The following DNAH14 variants were observed in gnomAD, a reference collection of about 807,000 sequenced individuals.
DNAH14 encodes dynein axonemal heavy chain 14.
A neutral mutation model predicts 520.9 loss-of-function variants in DNAH14; 478 were observed. That is an observed-to-expected ratio of 0.92 (90% CI 0.85 to 0.99). DNAH14 has a LOEUF of 0.99. Ranked by LOEUF, DNAH14 falls within the 50% of genes least tolerant of loss-of-function variation. The pLI is 0.00. For missense variants in DNAH14, 4,831 were observed against 5,234.5 expected (o/e 0.92, Z 2.38); for synonymous variants, 1,581 against 1,757.2 (o/e 0.90, Z 2.51).
intron 27 of DNAH14, among the ~76,000 whole-genome samples, chr1:225,131,774 G>C (rs2078450251): frequency 6.6e-6 from 1 of 152,162 alleles, no homozygotes; most frequent in African/African-American, 2.4e-5. Flanking sequence ...CTAGGAAGTT[G>C]TGATGTCAAT....
chr1:224,952,046 T>C (rs1256014832), intron 1 of DNAH14, among the ~76,000 whole-genome samples: 1 of 152,218 alleles, frequency 6.6e-6, no homozygotes, highest in East Asian at 1.9e-4. Context: ...TTTTCTATTC[T>C]CCATTGATTC....
chr1:224,967,430 G>A lies in DNAH14; in HGVS notation c.499-1G>A, dbSNP rs748695334. On this transcript the variant is annotated splice_acceptor_variant, in intron 5 of 85. Transcript: ENST00000682510. LOFTEE classifies it high-confidence loss of function. The stretch of plus-strand genomic sequence containing the variant: ...GTTTATTATTTTTTTTTTAATCTCA[G>A]AAACCTTTGGAAGATGATGGAGAAT... The A allele has an allele frequency of 4.0e-6, 6 of 1,516,286 alleles. No individual in the cohort carries two copies. Among genetic ancestry groups the A allele is most frequent in the Non-Finnish European group, 2.6e-6 (3 of 1,140,350 alleles). The allele number at this position is 1,516,286 out of a possible 1,614,324, so 93.9% of individuals were successfully genotyped here.
At chr1:225,098,797 A>C (rs774283267) in intron 22 of DNAH14, among the ~76,000 whole-genome samples, 1 of 152,220 alleles carries the variant, frequency 6.6e-6, no homozygotes, top group Non-Finnish European at 1.5e-5. Context: ...AATTCTAGGC[A>C]AGAGAGTTCA....
intron 17 of DNAH14, among the ~76,000 whole-genome samples, chr1:225,056,968 G>T (rs1420532458): frequency 6.6e-6 from 1 of 152,174 alleles, no homozygotes; most frequent in Admixed American, 6.5e-5. Flanking sequence ...GTAGCGTGAT[G>T]TGTCCAGCTT....
rs370168340 is a variant in DNAH14 at position 224,964,481 on chromosome 1, C to A, written c.370C>A (p.Pro124Thr). ...ARPVSYDRTE[P>T]KDDDVIRNII... is the part of the protein sequence containing the mutation. ...ATTTTTAAATTGTTCTATACCAGAA[C>A]CAAAAGATGATGATGTGATAAGAAA... Residue 124 changes from proline to threonine, a missense_variant and splice_region_variant, in exon 5 of 86, where the codon CCA becomes ACA. Pro to Thr is a conservative substitution (Grantham distance 38). Transcript: ENST00000682510. The A allele has an allele frequency of 1.1e-5, 18 of 1,606,696 alleles. No individual in the cohort carries two copies. The African/African-American group carries it at 2.3e-4, about 20-fold the overall frequency.
intron 27 of DNAH14, among the ~76,000 whole-genome samples, chr1:225,126,031 A>G (rs569112895): frequency 9.2e-5 from 14 of 152,302 alleles, no homozygotes; most frequent in African/African-American, 2.2e-4. Context: ...ATAAGACACA[A>G]ACAGCATTTA....
At chr1:225,017,337 A>G (rs942875581) in intron 10 of DNAH14, among the ~76,000 whole-genome samples, 3 of 152,244 alleles carry the variant, frequency 2.0e-5, no homozygotes, top group Non-Finnish European at 4.4e-5. Context: ...AAAGTTGTTG[A>G]TAAAGTTAAA....
rs755979440 is a variant in DNAH14, at chr1:225,117,729, C to G, written c.3913C>G (p.Leu1305Val). The G allele has an allele frequency of 1.7e-5, 27 of 1,550,126 alleles. No homozygotes were observed. In the African/African-American group the frequency reaches 2.7e-4, roughly 16 times the overall value. ...ATTAATTTTCCCAAGATTTTACTTT[C>G]TTAGCAATGCCGAGCTTCTTGATAT... ...KRLIFPRFYF[L>V]SNAELLDILA... The change falls in exon 24 of 86, where the codon CTT (leucine) becomes GTT (valine). Residue 1305 changes from leucine to valine, a missense_variant. Physicochemically the swap from Leu to Val is conservative, Grantham distance 32. Coordinates refer to ENST00000682510, the MANE Select transcript of DNAH14 (RefSeq NM_001367479.1).
At chr1:225,186,617 C>T (rs756237068) in intron 37 of DNAH14, among the ~76,000 whole-genome samples, 2 of 151,480 alleles carry the variant, frequency 1.3e-5, no homozygotes, top group Non-Finnish European at 3.0e-5. Flanking sequence ...AAACGTATTA[C>T]TGTATTAGCT....
At chr1:225,053,956 C>T (rs74383728) in intron 17 of DNAH14, among the ~76,000 whole-genome samples, 6,343 of 152,222 alleles carry the variant, frequency 0.042, 217 homozygotes, top group Non-Finnish European at 0.061. Flanking sequence ...AGAGAACCTA[C>T]AATAGAAGCC....
chr1:225,015,639 A>G (rs564202064), intron 10 of DNAH14, among the ~76,000 whole-genome samples: 1 of 152,370 alleles, frequency 6.6e-6, no homozygotes, highest in Admixed American at 6.5e-5. Flanking sequence ...AAGGGTAAAC[A>G]ACGTTTACCC....
At chr1:225,169,473 C>T (rs1402716526) in intron 36 of DNAH14, among the ~76,000 whole-genome samples, 1 of 152,114 alleles carries the variant, frequency 6.6e-6, no homozygotes, top group Non-Finnish European at 1.5e-5. Flanking sequence ...AGCTGAAAAC[C>T]ACGGCACGAG....
intron 15 of DNAH14, among the ~76,000 whole-genome samples, chr1:225,046,266 A>T (rs1249939309): frequency 6.6e-6 from 1 of 152,090 alleles, no homozygotes; most frequent in African/African-American, 2.4e-5. Context: ...AGTCAAATGT[A>T]TATTTTAAAT....
intron 21 of DNAH14, among the ~76,000 whole-genome samples, chr1:225,090,198 G>A (rs2148653882): frequency 6.6e-6 from 1 of 152,148 alleles, no homozygotes; most frequent in South Asian, 2.1e-4. Flanking sequence ...TGAGAAAAAT[G>A]TATAAGATCT....
Position 225,080,437 on chromosome 1 carries a change from T to C in DNAH14, c.2825T>C (p.Ile942Thr), listed in dbSNP as rs1227759493. ...CAAGTGTCAACAGCAATGGAAATGA[T>C]CCAGACTCTCTCAGGGGAAGCTGCA... Reference protein sequence around the residue: ...GTQVSTAMEMIQTLSGEAASL... With the variant: ...GTQVSTAMEMTQTLSGEAASL... Residue 942 changes from isoleucine (I) to threonine (T), a missense_variant, in exon 19 of 86, where the codon ATC becomes ACC. By Grantham distance (89) the Ile-to-Thr change is moderately conservative. Transcript: ENST00000682510. 6.4e-7 allele frequency: 1 copy of C among 1,551,274 alleles called. No homozygotes were observed. The highest frequency in any genetic ancestry group is 2.0e-5 in the Admixed American group (1 of 50,964).
Position 225,389,788 on chromosome 1 carries a change from A to G in DNAH14, c.13245A>G (p.Lys4415=). Reference sequence around the variant, plus strand: ...AGTCTATTCCATCAACTAGCCAAAAATGCAAACACCCTGAGGATTCAGAGA... The same window carrying G: ...AGTCTATTCCATCAACTAGCCAAAAGTGCAAACACCCTGAGGATTCAGAGA... ...WKQSIPSTSQ[K]CKHPEDSENN... Residue 4415 remains lysine, a synonymous_variant, in exon 83 of 86, where the codon AAA becomes AAG. Coordinates refer to ENST00000682510, the MANE Select transcript of DNAH14 (RefSeq NM_001367479.1). 3 of 1,552,210 alleles carry G rather than the reference A, an allele frequency of 1.9e-6. No individual in the cohort carries two copies. The highest frequency in any genetic ancestry group is 1.7e-6 in the Non-Finnish European group (2 of 1,147,098).
chr1:225,259,206 T>C lies in DNAH14; in HGVS notation c.7110T>C (p.Gly2370=). 1 of 1,542,406 alleles carries C rather than the reference T, an allele frequency of 6.5e-7. No homozygotes were observed. The highest frequency in any genetic ancestry group is 8.8e-7 in the Non-Finnish European group (1 of 1,142,050). The change falls in exon 46 of 86, where the codon GGT becomes GGC. Residue 2370 remains glycine, a synonymous_variant. Coordinates refer to ENST00000682510, the MANE Select transcript of DNAH14 (RefSeq NM_001367479.1). The part of the protein sequence containing the change: ...EGPGAFDIKH[G]SILGDTLLYS... ...CAGGAGCATTTGACATAAAACATGG[T>C]TCAATTTTAGGAGACACCCTATTAT...
At position 225,118,677 on chromosome 1, in the gene DNAH14, G is replaced by A. The variant is rs114794092; in HGVS notation, c.4092-543G>A. On this transcript the variant is annotated intron_variant, in intron 25 of 85. Transcript: ENST00000682510. Reference sequence around the variant, plus strand: ...GCAGGTGAATTACCCAAGGTCAGGAGTTTGAGACCAGCCTGACTAACATGG... The same window carrying A: ...GCAGGTGAATTACCCAAGGTCAGGAATTTGAGACCAGCCTGACTAACATGG... 9.1e-3 allele frequency among the ~76,000 whole-genome samples: 1,379 copies of A among 152,218 alleles called. 19 individuals carry two copies. Among genetic ancestry groups the A allele is most frequent in the African/African-American group, 0.032 (1,331 of 41,514 alleles).
intron 79 of DNAH14, among the ~76,000 whole-genome samples, chr1:225,379,158 G>C (rs541339671): frequency 6.6e-6 from 1 of 152,186 alleles, no homozygotes; most frequent in Non-Finnish European, 1.5e-5. Context: ...GAAGCCCTTC[G>C]TGTCAACACA....
Sources: gnomAD v4.1 joint callset for allele counts (sites outside exome capture counted in the v4.1 genomes callset) on GRCh38, gnomAD v4.1.1 for gene constraint, MANE v1.5 for transcripts, NCBI Gene and HGNC (gene_info 2026-07-23, HGNC 2026-07-21) for gene names.